CDKL4: variants seen among roughly 807,000 people sequenced by gnomAD.
CDKL4 encodes the protein cyclin-dependent kinase-like 4.
In CDKL4, 44 loss-of-function variants were observed where a neutral mutation model predicts 42.0. The ratio of observed to expected loss-of-function variants is 1.05; its 90% CI spans 0.82 to 1.35. The LOEUF (loss-of-function observed/expected upper bound fraction) is 1.35, where lower values mean the gene tolerates loss of function less well. Among genes scored for constraint, CDKL4 ranks in the 40% most tolerant of loss-of-function variants. The pLI, the probability that CDKL4 is intolerant of heterozygous loss-of-function variation, is 0.00. For missense variants in CDKL4, 393 were observed against 369.9 expected, an observed-to-expected ratio of 1.06 and a Z score of -0.51; for synonymous variants, 120 against 121.6, an observed-to-expected ratio of 0.99 and a Z score of 0.09.
the CDKL4 span, among the ~76,000 whole-genome samples, chr2:39,168,890 G>T: frequency 6.6e-6 from 1 of 151,744 alleles, no homozygotes; most frequent in Admixed American, 6.6e-5. Context: ...CTGAGTAGCT[G>T]GGACTACAGG....
chr2:39,180,623 G>C (rs1375069902), intron 8 of CDKL4, among the ~76,000 whole-genome samples: 1 of 151,908 alleles, frequency 6.6e-6, no homozygotes, highest in African/African-American at 2.4e-5. Flanking sequence ...AACTCCAGCT[G>C]CTGCTGGAAA....
intron 1 of CDKL4, among the ~76,000 whole-genome samples, chr2:39,243,397 G>A (rs367836916): frequency 1.3e-5 from 2 of 152,146 alleles, no homozygotes; most frequent in South Asian, 2.1e-4. Flanking sequence ...AATACAATCA[G>A]ACTAATTAAA....
At chr2:39,199,168 T>G (rs1207094506) in intron 5 of CDKL4, among the ~76,000 whole-genome samples, 1 of 152,034 alleles carries the variant, frequency 6.6e-6, no homozygotes, top group East Asian at 1.9e-4. Flanking sequence ...TTATAACTGA[T>G]ACCACAGAAA....
chr2:39,198,369 T>A (rs576816241), intron 5 of CDKL4, among the ~76,000 whole-genome samples: 2 of 151,636 alleles, frequency 1.3e-5, no homozygotes, highest in Admixed American at 1.3e-4. Context: ...ACCTAAGAAA[T>A]GAGATAGTAA....
chr2:39,198,133 TG>T (rs1429165341), intron 5 of CDKL4, among the ~76,000 whole-genome samples: 1 of 151,430 alleles, frequency 6.6e-6, no homozygotes, highest in African/African-American at 2.4e-5. Context: ...TAAAGTAAAG[TG>T]GGGGGAAAGG....
At position 39,185,180 on chromosome 2, in the gene CDKL4, ATGTG is replaced by A. The variant is rs1356087388; in HGVS notation, c.736-537_736-534del. On this transcript the variant is annotated intron_variant, in intron 7 of 9. Coordinates refer to ENST00000451199, the Ensembl canonical transcript of CDKL4. ...TATACACATATGTATATATATACAT[ATGTG>A]TATATACATATATATACACATACGT... Among the ~76,000 whole-genome samples the A allele has an allele frequency of 2.8e-4, 34 of 121,922 alleles. 3 individuals are homozygous for A. Among genetic ancestry groups the A allele is most frequent in the African/African-American group, 1.1e-3 (33 of 30,774 alleles). The allele number at this position is 121,922 out of a possible 152,430, so 80.0% of individuals were successfully genotyped here.
chr2:39,229,568 A>G (rs1678970477), exon 2 of CDKL4: 1 of 1,527,142 alleles, frequency 6.5e-7, no homozygotes. Context: ...GTATCGATTG[A>G]CTTGCAGTAC....
chr2:39,238,146 C>T (rs996842830), intron 1 of CDKL4, among the ~76,000 whole-genome samples: 3 of 152,100 alleles, frequency 2.0e-5, no homozygotes, highest in Admixed American at 6.6e-5. Flanking sequence ...TAAACTAATT[C>T]CTGGCCAGGA....
chr2:39,220,992 T>G (rs866013703), intron 3 of CDKL4, among the ~76,000 whole-genome samples: 933 of 42,020 alleles, frequency 0.022, 21 homozygotes, highest in African/African-American at 0.037. Flanking sequence ...TTTTTTTTTT[T>G]TTTTTTTTGT....
At chr2:39,203,616 T>C (rs1474137748) in intron 5 of CDKL4, among the ~76,000 whole-genome samples, 1 of 152,236 alleles carries the variant, frequency 6.6e-6, no homozygotes, top group Admixed American at 6.5e-5. Flanking sequence ...CACTTTCCTT[T>C]TTCTCTTACC....
At chr2:39,246,107 C>A (rs576689534), upstream of CDKL4, among the ~76,000 whole-genome samples, 1 of 152,300 alleles carries the variant, frequency 6.6e-6, no homozygotes, top group East Asian at 1.9e-4. Flanking sequence ...AAATGCTCCC[C>A]GTGATCATGG....
intron 8 of CDKL4, among the ~76,000 whole-genome samples, chr2:39,179,629 G>A (rs1451584873): frequency 6.6e-6 from 1 of 152,348 alleles, no homozygotes; most frequent in East Asian, 1.9e-4. Flanking sequence ...AGTCTGCAGA[G>A]TATAGTCCCT....
At chr2:39,238,013 C>A (rs923943654) in intron 1 of CDKL4, among the ~76,000 whole-genome samples, 6 of 152,080 alleles carry the variant, frequency 3.9e-5, no homozygotes, top group African/African-American at 1.2e-4. Flanking sequence ...AAGTGCAAGA[C>A]CTGCATACTG....
chr2:39,239,319 C>G (rs139951278), intron 1 of CDKL4, among the ~76,000 whole-genome samples: 2 of 150,810 alleles, frequency 1.3e-5, no homozygotes, highest in East Asian at 3.9e-4. Flanking sequence ...GATATGACAC[C>G]ATAAGCATGA....
chr2:39,191,765 C>A lies in CDKL4; in HGVS notation c.455-1263G>T, dbSNP rs111443010. Among the ~76,000 whole-genome samples, 455 of 152,324 alleles carry A rather than the reference C, an allele frequency of 3.0e-3. 5 individuals are homozygous for A. Among genetic ancestry groups the A allele is most frequent in the African/African-American group, 0.011 (438 of 41,572 alleles). On this transcript the variant is annotated intron_variant, in intron 5 of 9. Coordinates refer to ENST00000451199, the Ensembl canonical transcript of CDKL4. ...GCCCTATGCCACAGGTGTGGACTGC[C>A]TGGACCCAAGGCACCTGCCTCCAAG...
At chr2:39,172,825 G>A (rs541476069), downstream of CDKL4, among the ~76,000 whole-genome samples, 213 of 152,134 alleles carry the variant, frequency 1.4e-3, no homozygotes, top group African/African-American at 4.9e-3. Context: ...CAGGTGATCC[G>A]CCTGCCTTGG....
chr2:39,169,468 A>G, the CDKL4 span, among the ~76,000 whole-genome samples: 1 of 152,182 alleles, frequency 6.6e-6, no homozygotes, highest in Non-Finnish European at 1.5e-5. Flanking sequence ...GCTCCTGGCT[A>G]GATCATAAAC....
At chr2:39,184,541 C>G in intron 8 of CDKL4, 50 bp downstream of exon 8, 2 of 1,326,104 alleles carry the variant, frequency 1.5e-6, no homozygotes, top group Non-Finnish European at 2.2e-6. Context: ...TTACCAGCTT[C>G]AGTCATTACA....
intron 5 of CDKL4, among the ~76,000 whole-genome samples, chr2:39,193,295 C>T (rs965373495): frequency 1.6e-4 from 24 of 150,014 alleles, no homozygotes; most frequent in African/African-American, 5.8e-4. Context: ...AGAATTATTC[C>T]TTTAGGATGA....
Sources: gnomAD v4.1 joint callset for allele counts (sites outside exome capture counted in the v4.1 genomes callset) on GRCh38, gnomAD v4.1.1 for gene constraint, MANE v1.5 for transcripts, NCBI Gene and HGNC (gene_info 2026-07-23, HGNC 2026-07-21) for gene names.